The following SRGAP2 variants were observed in gnomAD, a reference collection of about 807,000 sequenced individuals.
SRGAP2 encodes the protein SLIT-ROBO Rho GTPase activating protein 2.
A neutral mutation model predicts 57.2 loss-of-function variants in SRGAP2; 15 were observed. That is an observed-to-expected ratio of 0.26 (90% CI 0.18 to 0.40). The LOEUF (loss-of-function observed/expected upper bound fraction) is 0.40. SRGAP2 is among the 10% of genes least tolerant of loss of function. The pLI, the probability that SRGAP2 is intolerant of heterozygous loss-of-function variation, is 1.00. For missense variants in SRGAP2, 520 were observed against 669.6 expected, an observed-to-expected ratio of 0.78 and a Z score of 2.47; for synonymous variants, 249 against 248.0, an observed-to-expected ratio of 1.00 and a Z score of -0.04.
chr1:206,389,735 G>T (rs1656739431), intron 5 of SRGAP2, among the ~76,000 whole-genome samples: 1 of 150,908 alleles, frequency 6.6e-6, no homozygotes, highest in Non-Finnish European at 1.5e-5. Context: ...TAGTGTGGCT[G>T]TCAGAGGGAG....
chr1:206,362,871 C>T (rs1677015992), intron 4 of SRGAP2, among the ~76,000 whole-genome samples: 1 of 152,064 alleles, frequency 6.6e-6, no homozygotes, highest in Non-Finnish European at 1.5e-5. Flanking sequence ...ACTTTCTGGG[C>T]CATGTGTTGA....
chr1:206,357,725 A>T (rs532898836), intron 4 of SRGAP2, among the ~76,000 whole-genome samples: 1,904 of 150,372 alleles, frequency 0.013, 42 homozygotes, highest in African/African-American at 0.043. Context: ...CCGGGATTAC[A>T]GGCGTGGGCT....
chr1:206,208,533 G>A (rs1289934097), intron 2 of SRGAP2, among the ~76,000 whole-genome samples: 1 of 152,158 alleles, frequency 6.6e-6, no homozygotes, highest in Admixed American at 6.5e-5. Context: ...AGTGCTTGCT[G>A]TGTGTTCTGG....
chr1:206,386,752 T>C (rs560659412), intron 5 of SRGAP2, among the ~76,000 whole-genome samples: 2 of 139,288 alleles, frequency 1.4e-5, no homozygotes, highest in Admixed American at 7.2e-5. Context: ...TGAGCCGAGA[T>C]CGTGCCACTG....
Position 206,454,906 on chromosome 1 carries a change from C to T in SRGAP2, c.2389C>T (p.Pro797Ser), listed in dbSNP as rs1553377794. The T allele has an allele frequency of 1.3e-6, 1 of 779,198 alleles. No individual in the cohort carries two copies. Among genetic ancestry groups the T allele is most frequent in the African/African-American group, 1.7e-5 (1 of 59,108 alleles). The allele number at this position is 779,198 out of a possible 1,614,324, so 48.3% of individuals were successfully genotyped here. A position where few individuals can be genotyped will look rare whatever the true frequency, so the allele number is the denominator to read the frequency against. Residue 797 changes from proline to serine, a missense_variant, in exon 21 of 23, where the codon CCC (proline) becomes TCC (serine). This residue lies in a region of SRGAP2 where 478 missense variants were observed against 373.6 expected (regional missense o/e 1.28). Coordinates refer to ENST00000573034, the MANE Select transcript of SRGAP2 (RefSeq NM_015326.5). This position sits in a 1 kb window ranked among gnomAD's most constrained non-coding sequence, Gnocchi z 4.3. ...GGACGGTGTCGTGGAGAGGTCCAGCCCCAAGTCTGAGATTGAGGTCATTTC... is the reference window on the plus strand; with the variant it reads ...GGACGGTGTCGTGGAGAGGTCCAGCTCCAAGTCTGAGATTGAGGTCATTTC... ...TEDGVVERSSPKSEIEVISEP... is the reference protein window; with the variant it reads ...TEDGVVERSSSKSEIEVISEP...
At chr1:206,213,552 G>C (rs1378315036) in intron 2 of SRGAP2, among the ~76,000 whole-genome samples, 2 of 151,660 alleles carry the variant, frequency 1.3e-5, no homozygotes, top group Non-Finnish European at 2.9e-5. Flanking sequence ...GAAGGTACAG[G>C]ATGGAGTGAG....
intron 2 of SRGAP2, among the ~76,000 whole-genome samples, chr1:206,209,994 A>G (rs868909118): frequency 7.7e-6 from 1 of 129,496 alleles, no homozygotes. Context: ...GAATCTGCAG[A>G]TATGGAACCT....
At chr1:206,428,934 G>T (rs1403921421) in intron 13 of SRGAP2, among the ~76,000 whole-genome samples, 1 of 152,058 alleles carries the variant, frequency 6.6e-6, no homozygotes, top group African/African-American at 2.4e-5. Flanking sequence ...AGGTGTGAGC[G>T]ACCGCACCTG....
intron 2 of SRGAP2, among the ~76,000 whole-genome samples, chr1:206,229,955 C>CACACAG (rs1411321613): frequency 7.2e-5 from 11 of 151,748 alleles, no homozygotes; most frequent in African/African-American, 2.7e-4. Context: ...CACACACACA[C>CACACAG]ACACACACAC....
intron 11 of SRGAP2, among the ~76,000 whole-genome samples, chr1:206,417,694 A>T (rs1659862206): frequency 6.6e-6 from 1 of 152,134 alleles, no homozygotes. Context: ...TGCTGGGATT[A>T]CAGGTGTGAG....
At chr1:206,291,872 T>G (rs1222992393) in intron 2 of SRGAP2, among the ~76,000 whole-genome samples, 22 of 149,368 alleles carry the variant, frequency 1.5e-4, no homozygotes, top group African/African-American at 4.3e-4. Context: ...CTGAAGGATC[T>G]GCTGGGCAGA....
chr1:206,369,632 C>A (rs1367951642), intron 4 of SRGAP2, among the ~76,000 whole-genome samples: 1 of 152,086 alleles, frequency 6.6e-6, no homozygotes, highest in Non-Finnish European at 1.5e-5. Flanking sequence ...ACACAAATGG[C>A]CAACAAGCAC....
At chr1:206,333,498 G>A (rs1553332709) in intron 3 of SRGAP2, 100 of 1,389,136 alleles carry the variant, frequency 7.2e-5, no homozygotes, top group Admixed American at 3.4e-5. Flanking sequence ...TGCGGGCGGC[G>A]CGGCTCTGTG....
chr1:206,239,305 G>A (rs1668064550), intron 2 of SRGAP2, among the ~76,000 whole-genome samples: 2 of 146,516 alleles, frequency 1.4e-5, no homozygotes, highest in South Asian at 4.6e-4. Flanking sequence ...TTCCTTTTTT[G>A]TAGGTTGGAA....
At chr1:206,355,022 A>G (rs1484059755) in intron 4 of SRGAP2, among the ~76,000 whole-genome samples, 5 of 152,292 alleles carry the variant, frequency 3.3e-5, no homozygotes, top group African/African-American at 1.2e-4. Context: ...TTTAGTCAAG[A>G]CCTTCTCCTT....
intron 4 of SRGAP2, among the ~76,000 whole-genome samples, chr1:206,357,582 CT>C (rs781912077): frequency 0.021 from 1,666 of 78,074 alleles, 27 homozygotes; most frequent in African/African-American, 0.084. Flanking sequence ...GCTATGTTGT[CT>C]TTTTTTTTTT....
chr1:206,431,302 C>T lies in SRGAP2; in HGVS notation c.1555+1080C>T, dbSNP rs1337971191. On this transcript the variant is annotated intron_variant, in intron 14 of 22. Coordinates refer to ENST00000573034, the MANE Select transcript of SRGAP2 (RefSeq NM_015326.5). ...GATCAATGCTGGGTACCATGCATTG[C>T]CATGCAGGAAAACAGAAACAGGAAT... 2.0e-5 allele frequency among the ~76,000 whole-genome samples: 3 copies of T among 152,140 alleles called. No individual in the cohort carries two copies. In the East Asian group the frequency reaches 5.8e-4, roughly 29 times the overall value.
intron 3 of SRGAP2, chr1:206,333,415 C>A: frequency 7.5e-7 from 1 of 1,328,618 alleles, no homozygotes; most frequent in East Asian, 2.3e-5. Context: ...TCAGCTTCTT[C>A]AAGGTATCAC....
intron 17 of SRGAP2, 105 bp from the exon 18 acceptor site, chr1:206,445,970 T>C: frequency 4.4e-6 from 3 of 677,698 alleles, no homozygotes; most frequent in Non-Finnish European, 8.2e-6. Flanking sequence ...CAGGTGGCAA[T>C]TTGTGGACCT....
Sources: allele counts gnomAD v4.1 joint callset (sites outside exome capture counted in the v4.1 genomes callset), GRCh38; gene constraint gnomAD v4.1.1; regional missense constraint gnomAD v4.1.1; non-coding constraint Gnocchi (gnomAD v3.1); transcripts MANE v1.5; gene names NCBI Gene and HGNC (gene_info 2026-07-23, HGNC 2026-07-21).